CEP112: variants seen among roughly 807,000 people sequenced by gnomAD.
CEP112 encodes the protein centrosomal protein 112, also known as centrosomal protein of 112 kDa.
CEP112 carries 127 observed loss-of-function variants against 153.0 expected under a neutral mutation model. The ratio of observed to expected loss-of-function variants is 0.83; its 90% confidence interval spans 0.72 to 0.96. The LOEUF (loss-of-function observed/expected upper bound fraction) is 0.96, where lower values mean the gene tolerates loss of function less well. Among genes scored for constraint, CEP112 ranks in the 40% least tolerant of loss-of-function variants. The probability of loss-of-function intolerance (pLI) is 0.00; values close to 1 mark genes in which losing one functional copy is unlikely to be tolerated. For missense variants in CEP112, 1,089 were observed against 1,101.2 expected, an observed-to-expected ratio of 0.99 and a Z score of 0.16; for synonymous variants, 358 against 374.4, an observed-to-expected ratio of 0.96 and a Z score of 0.51.
chr17:66,185,529 A>G (rs1186801343), intron 1 of CEP112, among the ~76,000 whole-genome samples: 5 of 152,158 alleles, frequency 3.3e-5, no homozygotes, highest in African/African-American at 9.7e-5. Context: ...CCAAATTTAA[A>G]CTTTTTAATC....
At chr17:66,028,844 T>C (rs1276137244) in intron 14 of CEP112, among the ~76,000 whole-genome samples, 1 of 144,438 alleles carries the variant, frequency 6.9e-6, no homozygotes, top group Non-Finnish European at 1.5e-5. Flanking sequence ...CAACTAAGCA[T>C]TGGAATTTAT....
intron 18 of CEP112, among the ~76,000 whole-genome samples, chr17:65,960,092 G>GACT (rs1824776885): frequency 2.0e-5 from 3 of 152,106 alleles, no homozygotes; most frequent in Admixed American, 2.0e-4. Context: ...GTGTGCTTGG[G>GACT]ACTCCTAAGG....
At chr17:65,879,253 C>T (rs567181211) in intron 20 of CEP112, among the ~76,000 whole-genome samples, 1 of 152,234 alleles carries the variant, frequency 6.6e-6, no homozygotes, top group South Asian at 2.1e-4. Context: ...AGAAAGAAGG[C>T]ATTGTGACAA....
chr17:66,189,409 C>T (rs1465454753), intron 1 of CEP112, among the ~76,000 whole-genome samples: 1 of 151,016 alleles, frequency 6.6e-6, no homozygotes, highest in African/African-American at 2.4e-5. Context: ...GAGGCTGAAG[C>T]AGGAGAATCG....
At chr17:66,022,580 G>A (rs916030957) in intron 16 of CEP112, among the ~76,000 whole-genome samples, 23 of 151,806 alleles carry the variant, frequency 1.5e-4, no homozygotes, top group African/African-American at 4.1e-4. Flanking sequence ...ATTGTGGCAG[G>A]CACCTGTAGT....
intron 6 of CEP112, among the ~76,000 whole-genome samples, chr17:66,112,152 A>G (rs1176015171): frequency 2.0e-5 from 3 of 151,962 alleles, no homozygotes; most frequent in Non-Finnish European, 4.4e-5. Flanking sequence ...TTAGCCAGGC[A>G]TGGTGGCAGG....
At chr17:65,666,675 A>G (rs1567834373) in intron 24 of CEP112, among the ~76,000 whole-genome samples, 1 of 152,242 alleles carries the variant, frequency 6.6e-6, no homozygotes, top group Non-Finnish European at 1.5e-5. Context: ...TCCTGAAAAC[A>G]TAACGAAATT....
At chr17:66,164,683 C>T (rs1342232339) in intron 4 of CEP112, among the ~76,000 whole-genome samples, 1 of 151,662 alleles carries the variant, frequency 6.6e-6, no homozygotes, top group Non-Finnish European at 1.5e-5. Context: ...TGGTAAAGCC[C>T]CGTCTCTACT....
chr17:66,007,967 T>C (rs2045571376), intron 16 of CEP112, among the ~76,000 whole-genome samples: 1 of 152,194 alleles, frequency 6.6e-6, no homozygotes, highest in Non-Finnish European at 1.5e-5. Context: ...ATTTTTTATG[T>C]TACTTTTTAT....
chr17:65,699,463 T>G lies in CEP112; in HGVS notation c.2608-10245A>C, dbSNP rs2048514638. Among the ~76,000 whole-genome samples, 3 of 152,192 alleles carry G rather than the reference T, an allele frequency of 2.0e-5. No homozygotes were observed. In the South Asian group the frequency reaches 6.2e-4, roughly 32 times the overall value. On this transcript the variant is annotated intron_variant, in intron 23 of 26. Transcript: ENST00000535342. ...GTGTCAGAAGTGGCCTCCCTTCTTG[T>G]TTTTTAATAATAACACATCTATCAG...
At chr17:66,150,367 T>TA (rs2071153386) in intron 4 of CEP112, among the ~76,000 whole-genome samples, 1 of 151,770 alleles carries the variant, frequency 6.6e-6, no homozygotes, top group South Asian at 2.1e-4. Context: ...CCAGCTAATT[T>TA]TTTTTTGTTA....
At chr17:65,746,920 A>G (rs1236483627) in intron 22 of CEP112, among the ~76,000 whole-genome samples, 1 of 152,234 alleles carries the variant, frequency 6.6e-6, no homozygotes, top group Non-Finnish European at 1.5e-5. Context: ...GAATTTTCAT[A>G]TGGATATTAA....
At chr17:65,830,732 C>T (rs2057040204) in intron 21 of CEP112, among the ~76,000 whole-genome samples, 1 of 152,212 alleles carries the variant, frequency 6.6e-6, no homozygotes, top group Non-Finnish European at 1.5e-5. Flanking sequence ...CCAGAAACAA[C>T]TAAAAGGTTA....
chr17:65,752,008 T>C (rs2051897943), intron 21 of CEP112, among the ~76,000 whole-genome samples: 1 of 119,572 alleles, frequency 8.4e-6, no homozygotes, highest in African/African-American at 3.4e-5. Flanking sequence ...CTATCTACTG[T>C]TCCTTTCATC....
intron 8 of CEP112, among the ~76,000 whole-genome samples, chr17:66,078,552 G>C (rs2067595600): frequency 6.6e-6 from 1 of 152,064 alleles, no homozygotes; most frequent in African/African-American, 2.4e-5. Flanking sequence ...CACTGTGCTC[G>C]GGAAGTTTTA....
intron 19 of CEP112, among the ~76,000 whole-genome samples, chr17:65,925,066 A>C (rs2144136190): frequency 6.6e-6 from 1 of 152,122 alleles, no homozygotes; most frequent in South Asian, 2.1e-4. Flanking sequence ...CCCAAATCTC[A>C]CCTTGAATTG....
intron 21 of CEP112, among the ~76,000 whole-genome samples, chr17:65,789,871 G>A (rs1431647635): frequency 6.6e-6 from 1 of 152,178 alleles, no homozygotes; most frequent in African/African-American, 2.4e-5. Context: ...CAAGCATCTA[G>A]CATATAATAG....
chr17:66,152,575 C>T (rs996340555), intron 4 of CEP112, among the ~76,000 whole-genome samples: 2 of 151,974 alleles, frequency 1.3e-5, no homozygotes, highest in African/African-American at 2.4e-5. Context: ...GACATAAAGC[C>T]AAGGGTATAA....
chr17:66,189,305 A>G (rs1489837179), intron 1 of CEP112, among the ~76,000 whole-genome samples: 1 of 152,150 alleles, frequency 6.6e-6, no homozygotes, highest in Non-Finnish European at 1.5e-5. Context: ...GTTCAAGACC[A>G]GCCTGGCCAA....
Sources: gnomAD v4.1 joint callset for allele counts (sites outside exome capture counted in the v4.1 genomes callset) on GRCh38, gnomAD v4.1.1 for gene constraint, MANE v1.5 for transcripts, NCBI Gene and HGNC (gene_info 2026-07-23, HGNC 2026-07-21) for gene names.